RLN2: variants seen among roughly 807,000 people sequenced by gnomAD.
RLN2 encodes the protein prorelaxin H2.
In RLN2, 10 loss-of-function variants were observed where a neutral mutation model predicts 7.3. The ratio of observed to expected loss-of-function variants is 1.36; its 90% CI spans 0.84 to 2.31. The LOEUF (loss-of-function observed/expected upper bound fraction) is 2.31, where lower values mean the gene tolerates loss of function less well. Among genes scored for constraint, RLN2 ranks in the 30% most tolerant of loss-of-function variants. The pLI, the probability that RLN2 is intolerant of heterozygous loss-of-function variation, is 0.00. For synonymous variants in RLN2, 103 were observed against 82.3 expected (o/e 1.25, Z -1.36); for missense variants, 298 against 217.6 (o/e 1.37, Z -2.32).
At chr9:5,326,238 G>A in the RLN2 span, among the ~76,000 whole-genome samples, 6 of 152,060 alleles carry the variant, frequency 3.9e-5, no homozygotes, top group African/African-American at 1.5e-4. Context: ...TTTTGTTTGA[G>A]TAGTGTCAAT....
chr9:5,322,505 G>A, the RLN2 span, among the ~76,000 whole-genome samples: 1 of 152,216 alleles, frequency 6.6e-6, no homozygotes, highest in Non-Finnish European at 1.5e-5. Flanking sequence ...AAGGAAAACA[G>A]AGAAGCAAGC....
chr9:5,307,329 G>GTATA (rs144140932), upstream of RLN2, among the ~76,000 whole-genome samples: 4 of 150,858 alleles, frequency 2.7e-5, no homozygotes, highest in Non-Finnish European at 4.4e-5. Context: ...GATAGTGTGT[G>GTATA]TATATATATA....
chr9:5,321,561 A>AT, the RLN2 span, among the ~76,000 whole-genome samples: 1 of 151,898 alleles, frequency 6.6e-6, no homozygotes, highest in Admixed American at 6.6e-5. Context: ...TGTTAATCAA[A>AT]TATTTGTTGA....
At chr9:5,306,228 C>T (rs141020211), upstream of RLN2, among the ~76,000 whole-genome samples, 1,111 of 151,446 alleles carry the variant, frequency 7.3e-3, 24 homozygotes, top group African/African-American at 0.026. Flanking sequence ...CTGCCTCAGC[C>T]TCTGAAGTAG....
intron 1 of RLN2, among the ~76,000 whole-genome samples, chr9:5,302,336 G>A: frequency 6.6e-6 from 1 of 151,966 alleles, no homozygotes. Flanking sequence ...TGGTTTAAAG[G>A]GTATCTTATT....
the RLN2 span, among the ~76,000 whole-genome samples, chr9:5,325,593 T>C: frequency 6.6e-6 from 1 of 151,990 alleles, no homozygotes; most frequent in Non-Finnish European, 1.5e-5. Context: ...GCTTCACAGA[T>C]GAACAGGAAG....
chr9:5,332,133 G>A, the RLN2 span, among the ~76,000 whole-genome samples: 3 of 151,922 alleles, frequency 2.0e-5, no homozygotes, highest in African/African-American at 7.3e-5. Context: ...TGATCTACGT[G>A]TGTGGAAATG....
upstream of RLN2, among the ~76,000 whole-genome samples, chr9:5,309,129 T>A (rs1240424586): frequency 6.6e-6 from 1 of 152,062 alleles, no homozygotes; most frequent in East Asian, 1.9e-4. Flanking sequence ...ACAGGGTGAA[T>A]AGGAGGTGAT....
chr9:5,326,532 G>A, the RLN2 span, among the ~76,000 whole-genome samples: 1 of 152,054 alleles, frequency 6.6e-6, no homozygotes, highest in Non-Finnish European at 1.5e-5. Context: ...GAAATGCAGT[G>A]TGGAGGGTCA....
the RLN2 span, among the ~76,000 whole-genome samples, chr9:5,326,361 G>C: frequency 6.6e-6 from 1 of 152,084 alleles, no homozygotes; most frequent in African/African-American, 2.4e-5. Flanking sequence ...CCAGTGACAG[G>C]TGGAGCCACT....
the RLN2 span, among the ~76,000 whole-genome samples, chr9:5,318,007 C>CGTGTGTGTGTGTGTGTGTGT: frequency 2.1e-3 from 315 of 148,060 alleles, 5 homozygotes; most frequent in African/African-American, 6.9e-3. Context: ...TGTGTGTGTG[C>CGTGTGTGTGTGTGTGTGTGT]GTGTGTGTGT....
At chr9:5,335,329 CTTTT>C in the RLN2 span, 38 of 1,612,516 alleles carry the variant, frequency 2.4e-5, no homozygotes, top group Non-Finnish European at 3.1e-5. Context: ...AGGGTCGTCT[CTTTT>C]TTTGAGAATG....
chr9:5,328,484 T>C, the RLN2 span, among the ~76,000 whole-genome samples: 1 of 151,990 alleles, frequency 6.6e-6, no homozygotes, highest in Non-Finnish European at 1.5e-5. Context: ...TAGAAAACAC[T>C]CTTCAGGATA....
At chr9:5,307,234 A>C (rs543071331), upstream of RLN2, among the ~76,000 whole-genome samples, 2 of 151,568 alleles carry the variant, frequency 1.3e-5, no homozygotes, top group African/African-American at 4.9e-5. Flanking sequence ...GATAGATGAT[A>C]GATAGGTGAT....
rs543720761 is a variant in RLN2, at chr9:5,300,023, C to G, written c.*75G>C. On this transcript the variant is annotated 3_prime_UTR_variant, in exon 2 of 2. Coordinates refer to ENST00000381627, the MANE Select transcript of RLN2 (RefSeq NM_134441.3). ...TAGATATTCTAAGAATTGATGGGAC[C>G]TGATAGAAGCATCAGTGAAATGTCA... The G allele has an allele frequency of 1.7e-5, 15 of 896,508 alleles. No individual in the cohort carries two copies. The African/African-American group carries it at 2.3e-4, about 14-fold the overall frequency. 55.5% of individuals were successfully genotyped at this position (896,508 alleles called of 1,614,324 possible). A position where few individuals can be genotyped will look rare whatever the true frequency, so the allele number is the denominator to read the frequency against.
At chr9:5,326,816 T>C in the RLN2 span, among the ~76,000 whole-genome samples, 2 of 152,156 alleles carry the variant, frequency 1.3e-5, no homozygotes, top group Non-Finnish European at 1.5e-5. Flanking sequence ...TCAGAATTAG[T>C]TGTAAAGTAA....
chr9:5,307,005 C>A (rs1816263177), upstream of RLN2, among the ~76,000 whole-genome samples: 1 of 151,972 alleles, frequency 6.6e-6, no homozygotes, highest in Non-Finnish European at 1.5e-5. Flanking sequence ...TTCTTTCCTT[C>A]CTGAAGCAGA....
the RLN2 span, among the ~76,000 whole-genome samples, chr9:5,318,105 C>A: frequency 6.6e-6 from 1 of 151,890 alleles, no homozygotes; most frequent in Non-Finnish European, 1.5e-5. Flanking sequence ...CTTGTGACCT[C>A]AGGTGATCCG....
At chr9:5,317,851 T>C in the RLN2 span, among the ~76,000 whole-genome samples, 1 of 152,018 alleles carries the variant, frequency 6.6e-6, no homozygotes, top group African/African-American at 2.4e-5. Flanking sequence ...TACCATTTCT[T>C]ACTCATTAGA....
Sources: allele counts gnomAD v4.1 joint callset (sites outside exome capture counted in the v4.1 genomes callset), GRCh38; gene constraint gnomAD v4.1.1; transcripts MANE v1.5; gene names NCBI Gene and HGNC (gene_info 2026-07-23, HGNC 2026-07-21).